The following VDR variants were observed in gnomAD, a reference collection of about 807,000 sequenced individuals.
VDR encodes vitamin D receptor.
Under a neutral mutation model 39.7 loss-of-function variants are expected in VDR, and 19 were observed. The ratio of observed to expected loss-of-function variants is 0.48; its 90% CI spans 0.33 to 0.70. The LOEUF (loss-of-function observed/expected upper bound fraction) is 0.70. VDR is among the 30% of genes least tolerant of loss of function. The probability of loss-of-function intolerance (pLI) is 0.02; values close to 1 mark genes in which losing one functional copy is unlikely to be tolerated. For synonymous variants in VDR, 242 were observed against 215.8 expected (o/e 1.12, Z -1.07); for missense variants, 442 against 570.5 (o/e 0.77, Z 2.29).
chr12:47,848,102 C>T (rs926967263), intron 7 of VDR, among the ~76,000 whole-genome samples: 2 of 152,166 alleles, frequency 1.3e-5, no homozygotes, highest in Admixed American at 1.3e-4. Context: ...CGAGGTTTCA[C>T]AGTGTTAGCC....
At chr12:47,876,761 A>G (rs1157991961) in intron 3 of VDR, among the ~76,000 whole-genome samples, 2 of 152,192 alleles carry the variant, frequency 1.3e-5, no homozygotes, top group Non-Finnish European at 2.9e-5. Flanking sequence ...GATGCCTCAC[A>G]TGCTCCTGTC....
chr12:47,871,292 C>CTCTTTCTTTCTTTCCT (rs1945855862), intron 3 of VDR, among the ~76,000 whole-genome samples: 2 of 79,854 alleles, frequency 2.5e-5, no homozygotes, highest in South Asian at 1.1e-3. Context: ...CTTTCTCTTT[C>CTCTTTCTTTCTTTCCT]TCTTTCTTTC....
intron 4 of VDR, among the ~76,000 whole-genome samples, chr12:47,858,109 T>C (rs188793264): frequency 1.3e-5 from 2 of 152,082 alleles, no homozygotes; most frequent in African/African-American, 4.8e-5. Context: ...GACATGCAGG[T>C]GGGGGAAGTA....
chr12:47,899,567 G>A (rs1159880499), intron 1 of VDR, among the ~76,000 whole-genome samples: 1 of 152,236 alleles, frequency 6.6e-6, no homozygotes, highest in Admixed American at 6.5e-5. Context: ...TGTTCTGCCA[G>A]GCCACTAGCT....
chr12:47,885,234 C>G (rs974652768), intron 1 of VDR, among the ~76,000 whole-genome samples: 1 of 152,206 alleles, frequency 6.6e-6, no homozygotes, highest in African/African-American at 2.4e-5. Context: ...GTAGAAAGCC[C>G]CTGGCTTCCA....
At chr12:47,895,858 G>A (rs911030192) in intron 1 of VDR, among the ~76,000 whole-genome samples, 6 of 152,238 alleles carry the variant, frequency 3.9e-5, no homozygotes, top group Admixed American at 1.3e-4. Context: ...CTGCTGGGCC[G>A]AGAGGGGCTG....
intron 7 of VDR, among the ~76,000 whole-genome samples, chr12:47,853,475 G>A (rs1004061525): frequency 6.6e-6 from 1 of 150,994 alleles, no homozygotes; most frequent in Non-Finnish European, 1.5e-5. Context: ...AATATTGGCC[G>A]GGCGTGGTGG....
chr12:47,850,146 C>T (rs1945357333), intron 7 of VDR, among the ~76,000 whole-genome samples: 1 of 152,218 alleles, frequency 6.6e-6, no homozygotes, highest in South Asian at 2.1e-4. Flanking sequence ...GCCACCGTGC[C>T]TGGCACCTTC....
At chr12:47,849,076 A>G (rs1945336678) in intron 7 of VDR, among the ~76,000 whole-genome samples, 1 of 152,188 alleles carries the variant, frequency 6.6e-6, no homozygotes, top group African/African-American at 2.4e-5. Context: ...AGGGCTCACA[A>G]ATCAGCTTGC....
intron 1 of VDR, among the ~76,000 whole-genome samples, chr12:47,903,558 T>C (rs574165371): frequency 1.3e-5 from 2 of 152,272 alleles, no homozygotes; most frequent in African/African-American, 4.8e-5. Flanking sequence ...ACACTCTTAG[T>C]CCATAGAATT....
intron 7 of VDR, among the ~76,000 whole-genome samples, chr12:47,848,037 C>T (rs1389041787): frequency 1.3e-5 from 2 of 152,114 alleles, no homozygotes; most frequent in African/African-American, 2.4e-5. Flanking sequence ...GTAGCTGGGA[C>T]TACAGGTGCC....
chr12:47,892,759 C>T (rs1221569919), intron 1 of VDR, among the ~76,000 whole-genome samples: 3 of 152,094 alleles, frequency 2.0e-5, no homozygotes, highest in Non-Finnish European at 2.9e-5. Flanking sequence ...CAATTCAGTA[C>T]GACACATCCT....
At chr12:47,851,969 G>A (rs1004994872) in intron 7 of VDR, among the ~76,000 whole-genome samples, 1 of 152,216 alleles carries the variant, frequency 6.6e-6, no homozygotes, top group African/African-American at 2.4e-5. Flanking sequence ...AAGGAAGAGG[G>A]CAGACTTCAA....
rs1945513566 is a variant in VDR, at chr12:47,857,417, C to T, written c.462+87G>A. The T allele has an allele frequency of 1.2e-5, 20 of 1,607,132 alleles. No individual in the cohort carries two copies. In the South Asian group the frequency reaches 2.1e-4, roughly 17 times the overall value. On this transcript the variant is annotated intron_variant, in intron 5 of 9. Coordinates refer to ENST00000549336, the MANE Select transcript of VDR (RefSeq NM_000376.3). ...CTACCCCAGTTCTGTTCAGGATGTC[C>T]CCTGCCCTCTGTCCCTACTCCCTGG...
intron 3 of VDR, among the ~76,000 whole-genome samples, chr12:47,866,947 G>T (rs1945747808): frequency 6.6e-6 from 1 of 152,132 alleles, no homozygotes; most frequent in Non-Finnish European, 1.5e-5. Flanking sequence ...AGTAGGCCAA[G>T]ATCATGCCAC....
intron 1 of VDR, chr12:47,900,032 G>T: frequency 1.2e-6 from 1 of 814,448 alleles, no homozygotes; most frequent in Non-Finnish European, 1.5e-6. Flanking sequence ...GGGACAATCA[G>T]CACATAGTAG....
At chr12:47,851,593 T>C (rs940044563) in intron 7 of VDR, among the ~76,000 whole-genome samples, 3 of 152,114 alleles carry the variant, frequency 2.0e-5, no homozygotes, top group African/African-American at 7.2e-5. Context: ...CTTGGAACAA[T>C]AGAACCCCTA....
intron 3 of VDR, among the ~76,000 whole-genome samples, chr12:47,865,438 G>T (rs533947709): frequency 1.2e-4 from 19 of 152,300 alleles, no homozygotes; most frequent in Admixed American, 3.9e-4. Context: ...GGGGGACAGG[G>T]TGTTGCTTTG....
chr12:47,856,106 A>G (rs1023655181), intron 6 of VDR, among the ~76,000 whole-genome samples: 6 of 152,230 alleles, frequency 3.9e-5, no homozygotes, highest in African/African-American at 7.2e-5. Flanking sequence ...CAAGTCATGG[A>G]AAAAAATGTT....
Sources: gnomAD v4.1 joint callset for allele counts (sites outside exome capture counted in the v4.1 genomes callset) on GRCh38, gnomAD v4.1.1 for gene constraint, MANE v1.5 for transcripts, NCBI Gene and HGNC (gene_info 2026-07-23, HGNC 2026-07-21) for gene names.